MYDGF: variants seen among roughly 807,000 people sequenced by gnomAD.
The protein encoded by MYDGF is myeloid-derived growth factor.
A neutral mutation model predicts 24.2 loss-of-function variants in MYDGF; 29 were observed. The ratio of observed to expected loss-of-function variants is 1.20; its 90% CI spans 0.89 to 1.63. The LOEUF is 1.63. MYDGF is among the 40% of genes most tolerant of loss of function. The pLI is 0.00. For synonymous variants in MYDGF, 105 were observed against 102.5 expected, an observed-to-expected ratio of 1.02 and a Z score of -0.15; for missense variants, 245 against 234.8, an observed-to-expected ratio of 1.04 and a Z score of -0.29.
intron 3 of MYDGF, among the ~76,000 whole-genome samples, chr19:4,662,617 C>CTCACA (rs993948351): frequency 2.6e-5 from 4 of 152,044 alleles, no homozygotes; most frequent in African/African-American, 9.7e-5. Flanking sequence ...GGCTGTGGAC[C>CTCACA]CAGATGCATG....
intron 3 of MYDGF, among the ~76,000 whole-genome samples, chr19:4,662,987 G>A (rs2088481996): frequency 6.8e-6 from 1 of 146,608 alleles, no homozygotes. Flanking sequence ...CCTCCTCCCT[G>A]TCCTCATTTT....
chr19:4,662,515 G>A (rs1269361136), intron 3 of MYDGF, among the ~76,000 whole-genome samples: 2 of 152,160 alleles, frequency 1.3e-5, no homozygotes, highest in East Asian at 1.9e-4. Flanking sequence ...TGAGTGGGGC[G>A]AGTGGAGCCG....
chr19:4,662,579 G>A (rs988183874), intron 3 of MYDGF, among the ~76,000 whole-genome samples: 14 of 152,144 alleles, frequency 9.2e-5, no homozygotes, highest in Admixed American at 2.6e-4. Flanking sequence ...GGGCAGAATC[G>A]GGCGGTGTCT....
intron 5 of MYDGF, among the ~76,000 whole-genome samples, chr19:4,658,935 T>C (rs868548913): frequency 2.0e-5 from 3 of 151,870 alleles, no homozygotes; most frequent in Non-Finnish European, 4.4e-5. Flanking sequence ...CCTGAGTAGC[T>C]GGGATTACAA....
chr19:4,669,838 C>T (rs1280179970), intron 1 of MYDGF, among the ~76,000 whole-genome samples: 1 of 152,154 alleles, frequency 6.6e-6, no homozygotes, highest in African/African-American at 2.4e-5. Context: ...GCTCCCATCA[C>T]TGACCCCTCC....
chr19:4,664,652 C>T (rs990920927), intron 3 of MYDGF, among the ~76,000 whole-genome samples: 1 of 152,180 alleles, frequency 6.6e-6, no homozygotes, highest in African/African-American at 2.4e-5. Flanking sequence ...AGGCTCCCCC[C>T]GTCTCCCCCA....
chr19:4,662,158 C>A (rs1213993190), intron 3 of MYDGF, among the ~76,000 whole-genome samples: 1 of 152,162 alleles, frequency 6.6e-6, no homozygotes. Context: ...GTAAAGCGCC[C>A]CGCAGGGCAC....
chr19:4,659,098 CAG>C (rs1044683032), intron 5 of MYDGF, among the ~76,000 whole-genome samples: 4 of 143,126 alleles, frequency 2.8e-5, no homozygotes, highest in African/African-American at 7.9e-5. Context: ...GTTTTTGAGA[CAG>C]AGTCTTACTC....
In MYDGF at chr19:4,658,021, G is replaced by A. The variant is rs143824265; in HGVS notation, c.506C>T (p.Ser169Leu). ...GGCTGCTGGTCACAGCTCAGTGCGC[G>A]ATGCCTTGGCCACAATCACCAGCTT... is the stretch of plus-strand genomic sequence containing the variant. ...LSKLVIVAKA[S>L]RTEL Residue 169 changes from serine to leucine, a missense_variant, in exon 6 of 6, where the codon TCG becomes TTG. Ser to Leu is a moderately radical substitution (Grantham distance 145). Transcript: ENST00000262947. 95 of 1,610,642 alleles carry A rather than the reference G, an allele frequency of 5.9e-5. No homozygotes were observed. The African/African-American group carries it at 6.9e-4, about 12-fold the overall frequency.
Position 4,659,901 on chromosome 19 carries a change from C to T in MYDGF, c.442+30G>A, listed in dbSNP as rs541057404. On this transcript the variant is annotated intron_variant, in intron 5 of 5. Transcript: ENST00000262947. ...GCCCACCCTTGGATGGGGGTGGCGTCACCTCTACCCCATCCCCATCTTTCC... is the reference window on the plus strand; with the variant it reads ...GCCCACCCTTGGATGGGGGTGGCGTTACCTCTACCCCATCCCCATCTTTCC... The T allele has an allele frequency of 1.9e-5, 31 of 1,603,626 alleles. 1 individual carries two copies. In the Admixed American group the frequency reaches 2.5e-4, roughly 13 times the overall value.
chr19:4,657,887 A>G lies in MYDGF; in HGVS notation c.*118T>C. On this transcript the variant is annotated 3_prime_UTR_variant, in exon 6 of 6. Transcript: ENST00000262947. ...CCTCCGGACAAGGCAACGTCAGCCC[A>G]GGTAGAAAACTTAAGAGTCCCTCCT... The G allele has an allele frequency of 1.1e-6, 1 of 945,010 alleles. No individual in the cohort carries two copies. Among genetic ancestry groups the G allele is most frequent in the Admixed American group, 2.6e-5 (1 of 38,038 alleles). 58.5% of individuals were successfully genotyped at this position (945,010 alleles called of 1,614,324 possible).
In MYDGF at chr19:4,657,967, C is replaced by A; in HGVS notation, c.*38G>T. 6.4e-7 allele frequency: 1 copy of A among 1,567,956 alleles called. No homozygotes were observed. Among genetic ancestry groups the A allele is most frequent in the Non-Finnish European group, 8.7e-7 (1 of 1,153,854 alleles). Reference sequence around the variant, plus strand: ...GGGACACAGGCCCCTTCAGCTTCACCGGAGATGAGAAGGTGCCACCCGCAA... The same window carrying A: ...GGGACACAGGCCCCTTCAGCTTCACAGGAGATGAGAAGGTGCCACCCGCAA... On this transcript the variant is annotated 3_prime_UTR_variant, in exon 6 of 6. Coordinates refer to ENST00000262947, the MANE Select transcript of MYDGF (RefSeq NM_019107.4).
intron 4 of MYDGF, chr19:4,660,432 G>A (rs2088460742): frequency 1.8e-6 from 1 of 552,724 alleles, no homozygotes; most frequent in Non-Finnish European, 3.2e-6. Context: ...CTGGCCTGGA[G>A]AAGTCTTTTC....
chr19:4,663,793 TAC>T (rs372882977), intron 3 of MYDGF, among the ~76,000 whole-genome samples: 1,570 of 75,482 alleles, frequency 0.021, 51 homozygotes, highest in East Asian at 0.054. Context: ...ATCCTCATTC[TAC>T]ACAGCCTCCA....
chr19:4,668,914 G>C (rs766763656), intron 1 of MYDGF, among the ~76,000 whole-genome samples: 39 of 150,450 alleles, frequency 2.6e-4, no homozygotes, highest in Non-Finnish European at 5.7e-4. Flanking sequence ...GATGATCTCA[G>C]CTCACTGCAA....
At chr19:4,663,939 G>A (rs1394092191) in intron 3 of MYDGF, among the ~76,000 whole-genome samples, 1 of 151,298 alleles carries the variant, frequency 6.6e-6, no homozygotes, top group Non-Finnish European at 1.5e-5. Context: ...TCAGCCGGGG[G>A]GATCTGAGCT....
At chr19:4,666,379 G>A (rs1266358462) in intron 2 of MYDGF, among the ~76,000 whole-genome samples, 2 of 151,636 alleles carry the variant, frequency 1.3e-5, no homozygotes, top group African/African-American at 2.4e-5. Context: ...GGGTTCAAGC[G>A]ATTCTCCTGC....
intron 5 of MYDGF, 192 bp downstream of exon 5, chr19:4,659,739 C>T: frequency 1.7e-6 from 1 of 595,924 alleles, no homozygotes; most frequent in Middle Eastern, 4.4e-4. Context: ...CACAATGGCA[C>T]AGCTCTAGAC....
chr19:4,666,911 G>A (rs1006637751), intron 2 of MYDGF, among the ~76,000 whole-genome samples: 5 of 152,086 alleles, frequency 3.3e-5, no homozygotes, highest in Non-Finnish European at 4.4e-5. Context: ...GGTGTTGACC[G>A]GGCTAGGCTC....
Sources: allele counts gnomAD v4.1 joint callset (sites outside exome capture counted in the v4.1 genomes callset), GRCh38; gene constraint gnomAD v4.1.1; transcripts MANE v1.5; gene names NCBI Gene and HGNC (gene_info 2026-07-23, HGNC 2026-07-21).